Variants in SLC4A8 observed in about 807,000 individuals in gnomAD.
SLC4A8 encodes electroneutral sodium bicarbonate exchanger 1.
SLC4A8 carries 40 observed loss-of-function variants against 125.0 expected under a neutral mutation model. That is an observed-to-expected ratio of 0.32 (90% confidence interval 0.25 to 0.42). The LOEUF is 0.42. SLC4A8 is among the 10% of genes least tolerant of loss of function. SLC4A8 has a pLI of 1.00. For missense variants in SLC4A8, 863 were observed against 1,355.1 expected (o/e 0.64, Z 5.70); for synonymous variants, 456 against 476.0 (o/e 0.96, Z 0.55).
At chr12:51,399,137 G>T (rs1948322427) in intron 1 of SLC4A8, among the ~76,000 whole-genome samples, 1 of 152,224 alleles carries the variant, frequency 6.6e-6, no homozygotes. Context: ...TGGATTGTAA[G>T]TAAAGGAGAG....
chr12:51,399,710 G>A (rs970836509), intron 1 of SLC4A8, among the ~76,000 whole-genome samples: 3 of 152,188 alleles, frequency 2.0e-5, no homozygotes, highest in African/African-American at 4.8e-5. Flanking sequence ...TGGGCCAGGC[G>A]TGGTGGCTCA....
intron 14 of SLC4A8, 166 bp downstream of exon 14, chr12:51,471,698 G>A: frequency 1.4e-6 from 1 of 702,236 alleles, no homozygotes; most frequent in Non-Finnish European, 2.3e-6. Flanking sequence ...TGCCAGAGGA[G>A]AACAATCAAA....
chr12:51,403,177 A>G (rs1948425329), intron 1 of SLC4A8: 1 of 392,518 alleles, frequency 2.5e-6, no homozygotes, highest in African/African-American at 2.1e-5. Context: ...AACAAGAACA[A>G]CAGCAACAAA....
intron 12 of SLC4A8, 80 bp from the exon 13 acceptor site, chr12:51,470,312 C>A: frequency 7.2e-7 from 1 of 1,394,712 alleles, no homozygotes. Flanking sequence ...CACAGGAGAG[C>A]AAAGTCAGGA....
In SLC4A8 at chr12:51,471,385, T is replaced by C. The variant is rs773210342; in HGVS notation, c.1757T>C (p.Val586Ala). 1.2e-5 allele frequency: 20 copies of C among 1,614,230 alleles called. No individual in the cohort carries two copies. The South Asian group carries it at 2.2e-4, about 18-fold the overall frequency. ...VLVATDASSL[V>A]CYITRFTEEA... Reference sequence around the variant, plus strand: ...GTGGCAACTGATGCCAGTTCCCTTGTCTGCTACATTACCCGTTTCACTGAA... The same window carrying C: ...GTGGCAACTGATGCCAGTTCCCTTGCCTGCTACATTACCCGTTTCACTGAA... Residue 586 changes from valine to alanine, a missense_variant, in exon 14 of 25, where the codon GTC becomes GCC. Coordinates refer to ENST00000453097, the MANE Select transcript of SLC4A8 (RefSeq NM_001039960.3).
chr12:51,422,635 C>T (rs566679479), upstream of SLC4A8, among the ~76,000 whole-genome samples: 4 of 152,332 alleles, frequency 2.6e-5, no homozygotes, highest in South Asian at 6.2e-4. Flanking sequence ...GCTGGGATTA[C>T]AAGTGTGAGC....
At chr12:51,450,714 T>C in intron 2 of SLC4A8, 162 bp from the exon 3 acceptor site, 1 of 716,430 alleles carries the variant, frequency 1.4e-6, no homozygotes, top group Non-Finnish European at 2.3e-6. Context: ...CCAAAATCTC[T>C]ATATCTTTAC....
intron 1 of SLC4A8, among the ~76,000 whole-genome samples, chr12:51,396,681 T>TA (rs11324810): frequency 0.024 from 3,404 of 143,454 alleles, 127 homozygotes; most frequent in African/African-American, 0.077. Context: ...CATCTTTATT[T>TA]AAAAAAAAAA....
At chr12:51,473,356 C>T (rs927468347) in intron 14 of SLC4A8, among the ~76,000 whole-genome samples, 1 of 152,128 alleles carries the variant, frequency 6.6e-6, no homozygotes, top group Non-Finnish European at 1.5e-5. Flanking sequence ...TTAAGGTCCT[C>T]TGTTTTTTCA....
intron 7 of SLC4A8, 48 bp downstream of exon 7, chr12:51,458,698 A>G (rs756778805): frequency 1.6e-6 from 2 of 1,270,080 alleles, no homozygotes; most frequent in African/African-American, 2.9e-5. Flanking sequence ...GGTTCCTTTT[A>G]GTGGAATCCA....
At chr12:51,481,868 A>G (rs959046665) in intron 16 of SLC4A8, among the ~76,000 whole-genome samples, 5 of 152,038 alleles carry the variant, frequency 3.3e-5, no homozygotes, top group Non-Finnish European at 7.4e-5. Flanking sequence ...TGGAAGGATC[A>G]CTTGAGGCCA....
chr12:51,464,958 G>A (rs1950468458), intron 11 of SLC4A8, among the ~76,000 whole-genome samples: 2 of 152,176 alleles, frequency 1.3e-5, no homozygotes, highest in Admixed American at 1.3e-4. Flanking sequence ...GAAGATAGCT[G>A]TGCTCTGGGA....
At chr12:51,505,392 A>G (rs61933303) in intron 23 of SLC4A8, among the ~76,000 whole-genome samples, 2 of 152,236 alleles carry the variant, frequency 1.3e-5, no homozygotes, top group Non-Finnish European at 2.9e-5. Flanking sequence ...TATGATAGTT[A>G]AGATACTAGG....
intron 24 of SLC4A8, among the ~76,000 whole-genome samples, chr12:51,506,765 C>T (rs1211310183): frequency 2.0e-5 from 3 of 152,138 alleles, no homozygotes; most frequent in African/African-American, 2.4e-5. Context: ...AACCAAATAC[C>T]GTATATCATT....
chr12:51,503,413 G>A (rs1484928332), intron 22 of SLC4A8, among the ~76,000 whole-genome samples: 1 of 150,916 alleles, frequency 6.6e-6, no homozygotes, highest in African/African-American at 2.4e-5. Flanking sequence ...AGGTTTCACC[G>A]TGTTAGCCAG....
At chr12:51,440,679 A>G (rs369921079) in intron 1 of SLC4A8, 29 bp from the exon 2 acceptor site, 3 of 1,571,288 alleles carry the variant, frequency 1.9e-6, no homozygotes, top group African/African-American at 1.4e-5. Context: ...TATGTGTATT[A>G]CTGTGACTAC....
intron 1 of SLC4A8, among the ~76,000 whole-genome samples, chr12:51,393,775 C>T (rs1047640992): frequency 1.3e-5 from 2 of 152,200 alleles, no homozygotes; most frequent in African/African-American, 4.8e-5. Flanking sequence ...CTTCCTTTCA[C>T]ATTCCAGGCC....
chr12:51,478,332 T>C (rs1009824101), intron 16 of SLC4A8, among the ~76,000 whole-genome samples: 5 of 150,190 alleles, frequency 3.3e-5, no homozygotes, highest in Non-Finnish European at 7.4e-5. Flanking sequence ...CCATCTACTT[T>C]GGAGGCTGAG....
chr12:51,468,575 C>T (rs1019858011), intron 11 of SLC4A8, among the ~76,000 whole-genome samples: 13 of 152,090 alleles, frequency 8.5e-5, no homozygotes, highest in South Asian at 2.1e-4. Context: ...CTGGCTAACA[C>T]GGTGAAACCC....
Sources: allele counts gnomAD v4.1 joint callset (sites outside exome capture counted in the v4.1 genomes callset), GRCh38; gene constraint gnomAD v4.1.1; transcripts MANE v1.5; gene names NCBI Gene and HGNC (gene_info 2026-07-23, HGNC 2026-07-21).